Variants in PPL observed in about 807,000 individuals in gnomAD.
The protein encoded by PPL is 190 kDa paraneoplastic pemphigus antigen.
PPL carries 198 observed loss-of-function variants against 194.4 expected under a neutral mutation model. The observed-to-expected ratio is 1.02, with a 90% CI of 0.91 to 1.15. The LOEUF is 1.15. Ranked by LOEUF, PPL falls within the 50% of genes most tolerant of loss-of-function variation. PPL has a pLI of 0.00. For synonymous variants in PPL, 1,220 were observed against 972.4 expected, an observed-to-expected ratio of 1.25 and a Z score of -4.74; for missense variants, 2,885 against 2,294.8, an observed-to-expected ratio of 1.26 and a Z score of -5.25.
chr16:4,895,502 C>T (rs2142351185), intron 10 of PPL, 92 bp downstream of exon 10: 1 of 1,602,732 alleles, frequency 6.2e-7, no homozygotes, highest in Admixed American at 1.7e-5. Flanking sequence ...AGGTGGGGTG[C>T]TGTGGAGGGG....
At chr16:4,892,924 C>T (rs768188912) in intron 14 of PPL, 23 of 366,800 alleles carry the variant, frequency 6.3e-5, no homozygotes, top group African/African-American at 1.5e-4. Context: ...TCAAGCCAGC[C>T]GGTGACCCAG....
rs1257228412 is a variant in PPL at position 4,899,390 on chromosome 16, G to T, written c.607-6C>A. The T allele has an allele frequency of 6.3e-7, 1 of 1,599,360 alleles. No homozygotes were observed. The highest frequency in any genetic ancestry group is 1.7e-5 in the Admixed American group (1 of 59,344). ...TGCCGGGCCTGTGATGCTGCCTGAA[G>T]GGGCCGGGGCAAGGAAAGGGCTGCG... On this transcript the variant is annotated splice_polypyrimidine_tract_variant and splice_region_variant and intron_variant, in intron 6 of 21. Transcript: ENST00000345988.
chr16:4,892,343 G>C (rs942760884), intron 14 of PPL, 130 bp from the exon 15 acceptor site: 4 of 1,050,674 alleles, frequency 3.8e-6, no homozygotes, highest in Admixed American at 5.6e-5. Context: ...GGCACATTCT[G>C]GGGCTCTGAC....
chr16:4,904,078 C>A, intron 2 of PPL, 38 bp from the exon 3 acceptor site: 2 of 1,592,520 alleles, frequency 1.3e-6, no homozygotes, highest in Non-Finnish European at 1.7e-6. Flanking sequence ...TGAACAGGAG[C>A]CGAGAGCGGG....
intron 1 of PPL, among the ~76,000 whole-genome samples, chr16:4,914,070 G>A (rs750911866): frequency 1.3e-5 from 2 of 152,204 alleles, no homozygotes; most frequent in African/African-American, 2.4e-5. Flanking sequence ...AGGTGGTGTC[G>A]GCTGGGTGCT....
intron 2 of PPL, among the ~76,000 whole-genome samples, chr16:4,909,338 G>A (rs2088771098): frequency 6.6e-6 from 1 of 152,066 alleles, no homozygotes; most frequent in Admixed American, 6.5e-5. Flanking sequence ...ACCTATGGCT[G>A]GGCCTGGGGA....
chr16:4,895,591 C>G lies in PPL; in HGVS notation c.1095+3G>C. Reference sequence around the variant, plus strand: ...CCAGCAGGGGTCCTGGGCCATCGCTCACATCCAGCTCCCGCAGCAGCAGCT... The same window carrying G: ...CCAGCAGGGGTCCTGGGCCATCGCTGACATCCAGCTCCCGCAGCAGCAGCT... On this transcript the variant is annotated splice_donor_region_variant and intron_variant, in intron 10 of 21. Transcript: ENST00000345988. 6.2e-7 allele frequency: 1 copy of G among 1,613,886 alleles called. No homozygotes were observed. Among genetic ancestry groups the G allele is most frequent in the Non-Finnish European group, 8.5e-7 (1 of 1,180,006 alleles).
rs1020976639 is a variant in PPL at position 4,899,320 on chromosome 16, T to C, written c.671A>G (p.Asn224Ser). The C allele has an allele frequency of 5.0e-6, 8 of 1,613,510 alleles. No individual in the cohort carries two copies. Among genetic ancestry groups the C allele is most frequent in the Admixed American group, 3.3e-5 (2 of 60,002 alleles). The stretch of plus-strand genomic sequence containing the variant: ...CTGCTGGTCCAGCCAGTACAGCTCA[T>C]TGGTGCAGCGCTGCATGTAGTCCTG... ...SLQDYMQRCT[N>S]ELYWLDQQAK... Residue 224 changes from asparagine to serine, a missense_variant, in exon 7 of 22, where the codon AAT becomes AGT. Asn to Ser is a conservative substitution (Grantham distance 46). Transcript: ENST00000345988.
intron 2 of PPL, among the ~76,000 whole-genome samples, chr16:4,907,308 TCACACACACACACACACACACACA>T (rs56210938): frequency 2.1e-5 from 3 of 145,744 alleles, no homozygotes; most frequent in Admixed American, 6.9e-5. Context: ...ATATCTAATC[TCACACACACACACACACACACACA>T]CACACACACA....
intron 1 of PPL, among the ~76,000 whole-genome samples, chr16:4,932,349 G>A (rs1206240369): frequency 6.6e-6 from 1 of 152,064 alleles, no homozygotes; most frequent in East Asian, 1.9e-4. Flanking sequence ...ATCGATGGGT[G>A]CATGTGCGTG....
rs765248341 is a variant in PPL at position 4,885,488 on chromosome 16, T to A, written c.3167A>T (p.Glu1056Val). 84 of 1,611,984 alleles carry A rather than the reference T, an allele frequency of 5.2e-5. No homozygotes were observed. Among genetic ancestry groups the A allele is most frequent in the Non-Finnish European group, 6.9e-5 (82 of 1,179,968 alleles). Reference protein sequence around the residue: ...SRAQEKVTEKEVVKLQNDPQL... With the variant: ...SRAQEKVTEKVVVKLQNDPQL... Reference sequence around the variant, plus strand: ...GGGGTCATTCTGCAGTTTCACCACCTCTTTCTCTGTGACCTTCTCCTGCGC... The same window carrying A: ...GGGGTCATTCTGCAGTTTCACCACCACTTTCTCTGTGACCTTCTCCTGCGC... The change falls in exon 22 of 22, where the codon GAG (glutamate) becomes GTG (valine). Residue 1056 changes from glutamate to valine, a missense_variant. Transcript: ENST00000345988. This position sits in a 1 kb window ranked among gnomAD's most constrained non-coding sequence, Gnocchi z 6.3.
intron 1 of PPL, among the ~76,000 whole-genome samples, chr16:4,927,047 G>A (rs980621874): frequency 2.0e-5 from 3 of 152,154 alleles, no homozygotes; most frequent in African/African-American, 7.2e-5. Flanking sequence ...CAAAGGGAAA[G>A]CATGATAAAT....
rs767206874 is a variant in PPL, at chr16:4,892,128, C to T, written c.1736G>A (p.Gly579Asp). Residue 579 changes from glycine to aspartate, a missense_variant, in exon 15 of 22, where the codon GGC (glycine) becomes GAC (aspartate). Physicochemically the swap from Gly to Asp is moderately conservative, Grantham distance 94 (BLOSUM62 -1). Coordinates refer to ENST00000345988, the MANE Select transcript of PPL (RefSeq NM_002705.5). ...CCTCAGCAGGGGTGTGGTGCCACTG[C>T]CTGGGAGGGCCTGGATGAAGGCTTC... is the stretch of plus-strand genomic sequence containing the variant. ...EGEAFIQALPGSGTTPLLRTR... is the reference protein window; with the variant it reads ...EGEAFIQALPDSGTTPLLRTR... 3 of 1,613,762 alleles carry T rather than the reference C, an allele frequency of 1.9e-6. No homozygotes were observed. The highest frequency in any genetic ancestry group is 2.5e-6 in the Non-Finnish European group (3 of 1,180,008).
Position 4,903,892 on chromosome 16 carries a change from G to A in PPL, c.311C>T (p.Ala104Val). Residue 104 changes from alanine to valine, a missense_variant, in exon 3 of 22, where the codon GCC (alanine) becomes GTC (valine). Coordinates refer to ENST00000345988, the MANE Select transcript of PPL (RefSeq NM_002705.5). ...AGAAGCAGAAGGGACCTACTCCTCG[G>A]CGATCATGTCCCCCTGTGGGTGCTT... is the stretch of plus-strand genomic sequence containing the variant. ...HMKHPQGDMI[A>V]EDIRQLKERV... 6.2e-7 allele frequency: 1 copy of A among 1,613,968 alleles called. No homozygotes were observed. The highest frequency in any genetic ancestry group is 1.3e-5 in the African/African-American group (1 of 75,044).
chr16:4,892,417 T>C (rs1268318922), intron 14 of PPL, among the ~76,000 whole-genome samples: 1 of 151,960 alleles, frequency 6.6e-6, no homozygotes, highest in Non-Finnish European at 1.5e-5. Context: ...ACCGCTGAGG[T>C]GGAATGGACT....
intron 1 of PPL, among the ~76,000 whole-genome samples, chr16:4,928,407 G>C (rs1171890311): frequency 1.1e-4 from 17 of 152,218 alleles, no homozygotes; most frequent in Admixed American, 1.1e-3. Context: ...GAGAGGGCTG[G>C]CAGGGTGTCC....
chr16:4,886,200 A>G (rs556211890), intron 21 of PPL, among the ~76,000 whole-genome samples, 153 bp from the exon 22 acceptor site: 1 of 151,544 alleles, frequency 6.6e-6, no homozygotes, highest in Non-Finnish European at 1.5e-5. Flanking sequence ...GTTACTTTCA[A>G]AAAGGATCAA....
intron 1 of PPL, among the ~76,000 whole-genome samples, chr16:4,930,491 G>T (rs2089212996): frequency 6.6e-6 from 1 of 152,208 alleles, no homozygotes; most frequent in Non-Finnish European, 1.5e-5. Flanking sequence ...CTCTTGAAAT[G>T]CTGAGGGAAG....
intron 1 of PPL, among the ~76,000 whole-genome samples, chr16:4,913,482 A>T (rs1359760778): frequency 6.6e-6 from 1 of 152,192 alleles, no homozygotes; most frequent in Non-Finnish European, 1.5e-5. Flanking sequence ...GCACAGAATA[A>T]GTCTGAACAA....
Sources: allele counts gnomAD v4.1 joint callset (sites outside exome capture counted in the v4.1 genomes callset), GRCh38; gene constraint gnomAD v4.1.1; non-coding constraint Gnocchi (gnomAD v3.1); transcripts MANE v1.5; gene names NCBI Gene and HGNC (gene_info 2026-07-23, HGNC 2026-07-21).